THADA: variants seen among roughly 807,000 people sequenced by gnomAD.
THADA encodes THADA armadillo repeat containing.
A neutral mutation model predicts 219.8 loss-of-function variants in THADA; 213 were observed. The observed-to-expected ratio is 0.97, with a 90% CI of 0.87 to 1.09. The LOEUF is 1.09. THADA is among the 50% of genes least tolerant of loss of function. The pLI, the probability that THADA is intolerant of heterozygous loss-of-function variation, is 0.00. For synonymous variants in THADA, 1,018 were observed against 828.9 expected (o/e 1.23, Z -3.92); for missense variants, 2,956 against 2,311.3 (o/e 1.28, Z -5.72).
chr2:43,536,086 C>CCCA (rs1694562519), intron 21 of THADA, among the ~76,000 whole-genome samples: 1 of 151,962 alleles, frequency 6.6e-6, no homozygotes, highest in African/African-American at 2.4e-5. Context: ...ACAGGCATGA[C>CCCA]CCACCGTGCC....
intron 22 of THADA, among the ~76,000 whole-genome samples, chr2:43,524,707 G>T (rs1692940274): frequency 6.6e-6 from 1 of 152,176 alleles, no homozygotes; most frequent in African/African-American, 2.4e-5. Context: ...TCTCTAAAGG[G>T]ATCAAGAACT....
intron 26 of THADA, among the ~76,000 whole-genome samples, chr2:43,444,340 G>C (rs1681247284): frequency 6.6e-6 from 1 of 152,038 alleles, no homozygotes; most frequent in East Asian, 1.9e-4. Context: ...CATTTGTCTG[G>C]CCATACATTC....
chr2:43,364,869 T>C (rs997506556), intron 29 of THADA, among the ~76,000 whole-genome samples: 1 of 152,124 alleles, frequency 6.6e-6, no homozygotes, highest in African/African-American at 2.4e-5. Context: ...ATTTTGGTGT[T>C]TATAAGCAAC....
intron 29 of THADA, among the ~76,000 whole-genome samples, chr2:43,359,794 T>C (rs530573148): frequency 6.6e-6 from 1 of 151,942 alleles, no homozygotes; most frequent in African/African-American, 2.4e-5. Flanking sequence ...GGATTTTTTT[T>C]TTTTTCTTTT....
chr2:43,307,627 G>A (rs1677017526), intron 31 of THADA, among the ~76,000 whole-genome samples: 1 of 152,122 alleles, frequency 6.6e-6, no homozygotes, highest in African/African-American at 2.4e-5. Flanking sequence ...TAAACTAAAG[G>A]CTCCTCTTTG....
chr2:43,490,600 A>G (rs534868985), intron 25 of THADA, among the ~76,000 whole-genome samples: 32 of 152,322 alleles, frequency 2.1e-4, no homozygotes, highest in African/African-American at 7.7e-4. Flanking sequence ...CTATTCACAC[A>G]GTATATTACA....
At chr2:43,321,303 C>T (rs1212485189) in intron 30 of THADA, among the ~76,000 whole-genome samples, 5 of 152,156 alleles carry the variant, frequency 3.3e-5, no homozygotes, top group African/African-American at 9.7e-5. Context: ...AGGGACAGAC[C>T]TACAATTGAG....
intron 29 of THADA, among the ~76,000 whole-genome samples, chr2:43,372,805 A>G (rs1670953177): frequency 6.6e-6 from 1 of 152,184 alleles, no homozygotes; most frequent in African/African-American, 2.4e-5. Context: ...GCTACAGTGC[A>G]GTGGCGCGGT....
At chr2:43,399,458 G>T (rs1674507104) in intron 28 of THADA, among the ~76,000 whole-genome samples, 1 of 152,152 alleles carries the variant, frequency 6.6e-6, no homozygotes, top group African/African-American at 2.4e-5. Context: ...ATTCTAATAT[G>T]CCAACAGAAA....
At chr2:43,414,489 G>C (rs1676699697) in intron 28 of THADA, among the ~76,000 whole-genome samples, 1 of 152,142 alleles carries the variant, frequency 6.6e-6, no homozygotes, top group Non-Finnish European at 1.5e-5. Flanking sequence ...CTTGAGGTGA[G>C]GAATGAACCA....
chr2:43,396,065 T>C (rs1471290329), intron 29 of THADA, among the ~76,000 whole-genome samples: 1 of 152,108 alleles, frequency 6.6e-6, no homozygotes, highest in Non-Finnish European at 1.5e-5. Flanking sequence ...CTGTCTCAAG[T>C]TTACTTTCTA....
intron 36 of THADA, among the ~76,000 whole-genome samples, chr2:43,251,911 T>C (rs1218104303): frequency 1.3e-5 from 2 of 152,240 alleles, no homozygotes; most frequent in Admixed American, 1.3e-4. Flanking sequence ...ATATGTGTCA[T>C]CTTTTCCGTG....
At chr2:43,449,576 C>G (rs1304140935) in intron 26 of THADA, among the ~76,000 whole-genome samples, 1 of 151,990 alleles carries the variant, frequency 6.6e-6, no homozygotes, top group East Asian at 1.9e-4. Context: ...AAGAGAAGCC[C>G]GGGCAACATG....
At chr2:43,561,986 T>C (rs926037793) in intron 15 of THADA, among the ~76,000 whole-genome samples, 16 of 152,246 alleles carry the variant, frequency 1.1e-4, no homozygotes, top group African/African-American at 3.4e-4. Flanking sequence ...ATGCCTTTTC[T>C]GCAAAAATTG....
At chr2:43,404,937 G>T (rs1439924185) in intron 28 of THADA, among the ~76,000 whole-genome samples, 2 of 152,318 alleles carry the variant, frequency 1.3e-5, no homozygotes, top group East Asian at 3.9e-4. Flanking sequence ...CAGGCAGGTG[G>T]AATAATTTGA....
At chr2:43,359,415 C>G (rs919100755) in intron 29 of THADA, among the ~76,000 whole-genome samples, 1 of 152,244 alleles carries the variant, frequency 6.6e-6, no homozygotes, top group South Asian at 2.1e-4. Context: ...TGTGGTGGCT[C>G]ATGCCGGTAA....
chr2:43,341,777 G>A (rs1012242194), intron 30 of THADA, among the ~76,000 whole-genome samples: 3 of 152,216 alleles, frequency 2.0e-5, no homozygotes, highest in Non-Finnish European at 2.9e-5. Flanking sequence ...GTAGGAAGAA[G>A]TGGCCTATTA....
intron 22 of THADA, among the ~76,000 whole-genome samples, chr2:43,517,285 G>A (rs1691840511): frequency 6.6e-6 from 1 of 152,088 alleles, no homozygotes; most frequent in African/African-American, 2.4e-5. Flanking sequence ...ATGGTAGCCT[G>A]AAGAAATTAC....
intron 30 of THADA, among the ~76,000 whole-genome samples, chr2:43,341,333 G>T (rs1269937256): frequency 1.3e-5 from 2 of 152,184 alleles, no homozygotes; most frequent in Non-Finnish European, 2.9e-5. Flanking sequence ...GGAAAATCAT[G>T]GAGAAAAATC....
Sources: gnomAD v4.1 joint callset for allele counts (sites outside exome capture counted in the v4.1 genomes callset) on GRCh38, gnomAD v4.1.1 for gene constraint, MANE v1.5 for transcripts, NCBI Gene and HGNC (gene_info 2026-07-23, HGNC 2026-07-21) for gene names.